The following ADGRB3 variants were observed in gnomAD, a reference collection of about 807,000 sequenced individuals.
The protein encoded by ADGRB3 is adhesion G protein-coupled receptor B3.
ADGRB3 carries 37 observed loss-of-function variants against 193.4 expected under a neutral mutation model. The observed-to-expected ratio is 0.19, with a 90% confidence interval of 0.15 to 0.25. The LOEUF (loss-of-function observed/expected upper bound fraction) is 0.25. ADGRB3 is among the 10% of genes least tolerant of loss of function. ADGRB3 has a pLI of 1.00. For missense variants in ADGRB3, 1,637 were observed against 1,852.9 expected, an observed-to-expected ratio of 0.88 and a Z score of 2.14; for synonymous variants, 690 against 644.2, an observed-to-expected ratio of 1.07 and a Z score of -1.08.
intron 6 of ADGRB3, among the ~76,000 whole-genome samples, chr6:68,945,014 C>T (rs1386428405): frequency 2.0e-5 from 3 of 152,130 alleles, no homozygotes; most frequent in Admixed American, 6.6e-5. Flanking sequence ...TCCCACTGAC[C>T]GTTTAAATAC....
At chr6:68,904,111 A>G (rs12213244) in intron 3 of ADGRB3, among the ~76,000 whole-genome samples, 38,469 of 82,542 alleles carry the variant, frequency 0.47, 6,107 homozygotes, top group South Asian at 0.53. Flanking sequence ...GGAAGGAAGG[A>G]AGGGAGGGAG....
intron 3 of ADGRB3, among the ~76,000 whole-genome samples, chr6:68,792,311 C>T (rs2127367145): frequency 6.6e-6 from 1 of 152,288 alleles, no homozygotes; most frequent in South Asian, 2.1e-4. Context: ...GTAGAAAAGT[C>T]AAACCGAACA....
intron 3 of ADGRB3, among the ~76,000 whole-genome samples, chr6:68,703,558 T>C (rs1455757119): frequency 6.6e-6 from 1 of 152,140 alleles, no homozygotes. Flanking sequence ...TTTCAAAGAT[T>C]TAATTCATAT....
intron 3 of ADGRB3, among the ~76,000 whole-genome samples, chr6:68,721,650 AT>A (rs1562005587): frequency 3.5e-4 from 50 of 144,844 alleles, no homozygotes; most frequent in Non-Finnish European, 4.2e-4. Flanking sequence ...ATATATATAT[AT>A]ATATAAATTA....
chr6:68,888,071 T>C (rs1020418459), intron 3 of ADGRB3, among the ~76,000 whole-genome samples: 1 of 152,156 alleles, frequency 6.6e-6, no homozygotes, highest in Admixed American at 6.5e-5. Flanking sequence ...TAAAAACCTA[T>C]TCCTCTCATA....
intron 11 of ADGRB3, among the ~76,000 whole-genome samples, chr6:69,002,177 T>C (rs895393119): frequency 6.6e-6 from 1 of 152,004 alleles, no homozygotes; most frequent in Non-Finnish European, 1.5e-5. Context: ...AGGAATTAAA[T>C]TGAAAGCAGA....
chr6:68,705,564 C>T (rs200552366), intron 3 of ADGRB3, among the ~76,000 whole-genome samples: 3 of 152,108 alleles, frequency 2.0e-5, no homozygotes, highest in East Asian at 1.9e-4. Context: ...TCAGTGCCCC[C>T]GACCACACAC....
At chr6:68,928,093 A>G (rs1238701309) in intron 3 of ADGRB3, among the ~76,000 whole-genome samples, 1 of 152,190 alleles carries the variant, frequency 6.6e-6, no homozygotes. Context: ...TGCATTACAC[A>G]TATTTTAAGA....
intron 4 of ADGRB3, among the ~76,000 whole-genome samples, chr6:68,932,655 C>T (rs757701593): frequency 1.5e-4 from 22 of 151,626 alleles, no homozygotes; most frequent in Non-Finnish European, 2.7e-4. Flanking sequence ...AAGTGTCACA[C>T]AATAAAATTT....
intron 20 of ADGRB3, among the ~76,000 whole-genome samples, chr6:69,310,930 C>A (rs997502363): frequency 1.3e-5 from 2 of 151,684 alleles, no homozygotes; most frequent in South Asian, 4.2e-4. Flanking sequence ...GTTGGTTTTG[C>A]CATCTGTAAT....
At chr6:69,273,864 G>T (rs1294383800) in intron 20 of ADGRB3, among the ~76,000 whole-genome samples, 3 of 152,110 alleles carry the variant, frequency 2.0e-5, no homozygotes, top group Non-Finnish European at 4.4e-5. Flanking sequence ...AAAACAATCT[G>T]TCACTGGGGG....
chr6:69,079,860 A>T (rs1772337064), intron 17 of ADGRB3, among the ~76,000 whole-genome samples: 1 of 152,050 alleles, frequency 6.6e-6, no homozygotes, highest in Non-Finnish European at 1.5e-5. Flanking sequence ...TTGTTTTCAG[A>T]AAGTGTTTCG....
At chr6:68,951,729 G>T (rs1312783276) in intron 6 of ADGRB3, among the ~76,000 whole-genome samples, 4 of 152,148 alleles carry the variant, frequency 2.6e-5, no homozygotes, top group Non-Finnish European at 5.9e-5. Context: ...AAAGCTTTGA[G>T]GTATTTTTAA....
intron 20 of ADGRB3, among the ~76,000 whole-genome samples, chr6:69,305,367 CT>C (rs1263723404): frequency 8.6e-5 from 13 of 151,400 alleles, no homozygotes; most frequent in African/African-American, 3.2e-4. Flanking sequence ...ACAAAATATA[CT>C]TTTTTGGCTA....
intron 17 of ADGRB3, among the ~76,000 whole-genome samples, chr6:69,122,136 G>T (rs753518899): frequency 1.3e-5 from 2 of 151,908 alleles, no homozygotes; most frequent in Non-Finnish European, 2.9e-5. Flanking sequence ...CCGAGATCAC[G>T]CCACTGCACT....
intron 3 of ADGRB3, among the ~76,000 whole-genome samples, chr6:68,912,578 C>T (rs960823990): frequency 1.4e-4 from 21 of 152,014 alleles, no homozygotes; most frequent in Non-Finnish European, 3.1e-4. Context: ...TCCATGTGTT[C>T]CCATTGTTCA....
chr6:69,105,453 C>T (rs190114275), intron 17 of ADGRB3, among the ~76,000 whole-genome samples: 1 of 152,248 alleles, frequency 6.6e-6, no homozygotes, highest in Admixed American at 6.5e-5. Context: ...TTCCCTATTT[C>T]CTGCCCTCTC....
rs1177908600 is a variant in ADGRB3, at chr6:69,361,286, A to G, written c.4013A>G (p.Glu1338Gly). Residue 1338 changes from glutamate (E) to glycine (G), a missense_variant, in exon 29 of 32, where the codon GAA (glutamate) becomes GGA (glycine). This residue lies in a region of ADGRB3 where 368 missense variants were observed against 367.4 expected (regional missense o/e 1.00). Coordinates refer to ENST00000370598, the MANE Select transcript of ADGRB3 (RefSeq NM_001704.3). ...MNIGMETLPH[E>G]RLLHYKVNPE... ...ATTGGCATGGAAACCTTGCCGCATG[A>G]AAGGCTATTGCACTACAAAGTAAAC... The G allele has an allele frequency of 1.2e-6, 2 of 1,612,814 alleles. No homozygotes were observed. The highest frequency in any genetic ancestry group is 1.7e-6 in the Non-Finnish European group (2 of 1,179,282).
chr6:69,243,362 T>G (rs1403464300), intron 20 of ADGRB3, among the ~76,000 whole-genome samples: 1 of 151,996 alleles, frequency 6.6e-6, no homozygotes, highest in East Asian at 1.9e-4. Context: ...ACCCACCCTG[T>G]ATGTAACATT....
Sources: gnomAD v4.1 joint callset for allele counts (sites outside exome capture counted in the v4.1 genomes callset) on GRCh38, gnomAD v4.1.1 for gene constraint, gnomAD v4.1.1 regional missense constraint, MANE v1.5 for transcripts, NCBI Gene and HGNC (gene_info 2026-07-23, HGNC 2026-07-21) for gene names.